The following MCF2L2 variants were observed in gnomAD, a reference collection of about 807,000 sequenced individuals.
The protein encoded by MCF2L2 is MCF.2 cell line derived transforming sequence-like 2, also known as probable guanine nucleotide exchange factor MCF2L2.
Under a neutral mutation model 150.2 loss-of-function variants are expected in MCF2L2, and 102 were observed. That is an observed-to-expected ratio of 0.68 (90% confidence interval 0.58 to 0.80). MCF2L2 has a LOEUF of 0.80. Ranked by LOEUF, MCF2L2 falls within the 30% of genes least tolerant of loss-of-function variation. The pLI, the probability that MCF2L2 is intolerant of heterozygous loss-of-function variation, is 0.00. For synonymous variants in MCF2L2, 465 were observed against 491.3 expected, an observed-to-expected ratio of 0.95 and a Z score of 0.71; for missense variants, 1,256 against 1,372.8, an observed-to-expected ratio of 0.91 and a Z score of 1.34.
chr3:183,380,673 A>G (rs1333471049), intron 2 of MCF2L2, among the ~76,000 whole-genome samples: 1 of 152,240 alleles, frequency 6.6e-6, no homozygotes, highest in Non-Finnish European at 1.5e-5. Flanking sequence ...AACTGCTGGG[A>G]TTACAGGCAT....
chr3:183,414,427 C>T (rs1394083591), intron 1 of MCF2L2, among the ~76,000 whole-genome samples: 1 of 151,722 alleles, frequency 6.6e-6, no homozygotes, highest in Non-Finnish European at 1.5e-5. Context: ...TAGAAATGTC[C>T]CCTCTTTCAT....
chr3:183,312,912 T>C (rs989892611), intron 7 of MCF2L2, among the ~76,000 whole-genome samples: 2 of 152,226 alleles, frequency 1.3e-5, no homozygotes, highest in African/African-American at 4.8e-5. Context: ...GGACACCTCC[T>C]CTGGCTCTGT....
Position 183,428,266 on chromosome 3 carries a change from C to A in MCF2L2, c.-289G>T. On this transcript the variant is annotated 5_prime_UTR_variant, in exon 1 of 30. Transcript: ENST00000328913. This position sits in a 1 kb window ranked among gnomAD's most constrained non-coding sequence, Gnocchi z 5.1. ...AAGCAAGTCGCCAATCTCGCCGGAA[C>A]CGCGCCCCGGCTCCTCCGGCCGGGC... is the stretch of plus-strand genomic sequence containing the variant. The A allele has an allele frequency of 2.7e-6, 1 of 372,852 alleles. No homozygotes were observed. Among genetic ancestry groups the A allele is most frequent in the South Asian group, 3.2e-5 (1 of 31,416 alleles). 23.1% of individuals were successfully genotyped at this position (372,852 alleles called of 1,614,324 possible).
intron 1 of MCF2L2, among the ~76,000 whole-genome samples, chr3:183,409,067 C>G (rs557985536): frequency 6.6e-6 from 1 of 152,266 alleles, no homozygotes; most frequent in African/African-American, 2.4e-5. Flanking sequence ...GCTTATTATC[C>G]TTATTTAAGA....
intron 15 of MCF2L2, among the ~76,000 whole-genome samples, chr3:183,260,176 G>A (rs1449966543): frequency 2.6e-5 from 4 of 152,038 alleles, no homozygotes; most frequent in Admixed American, 6.6e-5. Context: ...TCGGTATCTC[G>A]ATGCCTCAGT....
At chr3:183,310,362 T>G (rs1000324211) in intron 9 of MCF2L2, among the ~76,000 whole-genome samples, 2 of 151,722 alleles carry the variant, frequency 1.3e-5, no homozygotes, top group Non-Finnish European at 2.9e-5. Context: ...ATTAGCTGAG[T>G]GTGGTGGTGG....
intron 14 of MCF2L2, among the ~76,000 whole-genome samples, chr3:183,286,011 G>T (rs535817292): frequency 3.9e-5 from 6 of 152,242 alleles, no homozygotes; most frequent in Admixed American, 1.3e-4. Flanking sequence ...TTCCACCACC[G>T]GGCTTTCCCA....
At chr3:183,300,547 T>C (rs370902346) in intron 10 of MCF2L2, among the ~76,000 whole-genome samples, 2 of 152,154 alleles carry the variant, frequency 1.3e-5, no homozygotes, top group African/African-American at 4.8e-5. Flanking sequence ...CAATAAACTC[T>C]AGGGCAGAAA....
intron 22 of MCF2L2, among the ~76,000 whole-genome samples, chr3:183,212,310 G>A (rs777574029): frequency 3.4e-4 from 51 of 152,166 alleles, no homozygotes; most frequent in Admixed American, 1.2e-3. Context: ...CCTAGGAAAC[G>A]AATATACTTC....
chr3:183,336,273 G>A (rs989967422), intron 5 of MCF2L2, among the ~76,000 whole-genome samples: 22 of 152,162 alleles, frequency 1.4e-4, no homozygotes, highest in African/African-American at 5.3e-4. Flanking sequence ...GAAATAATCA[G>A]ATGATGATAA....
At chr3:183,217,726 T>C (rs1722997259) in intron 21 of MCF2L2, among the ~76,000 whole-genome samples, 1 of 152,180 alleles carries the variant, frequency 6.6e-6, no homozygotes, top group African/African-American at 2.4e-5. Flanking sequence ...CTTCCTCCAC[T>C]TGTCCCTGGC....
chr3:183,222,427 G>A (rs1350409428), intron 20 of MCF2L2, among the ~76,000 whole-genome samples: 1 of 152,160 alleles, frequency 6.6e-6, no homozygotes, highest in Non-Finnish European at 1.5e-5. Flanking sequence ...GCGCGTGCCT[G>A]TAATCTCAGC....
chr3:183,361,181 G>A (rs1712179565), intron 3 of MCF2L2, among the ~76,000 whole-genome samples: 1 of 146,770 alleles, frequency 6.8e-6, no homozygotes, highest in Admixed American at 6.8e-5. Context: ...AGGAAAGAAG[G>A]AAGGAAGGAA....
chr3:183,363,015 T>C (rs977427497), intron 3 of MCF2L2, among the ~76,000 whole-genome samples: 7 of 152,214 alleles, frequency 4.6e-5, no homozygotes, highest in African/African-American at 1.7e-4. Context: ...CTAAAGAAGA[T>C]TTACAGATGA....
chr3:183,393,710 G>A (rs573531793), intron 1 of MCF2L2, among the ~76,000 whole-genome samples: 41 of 152,314 alleles, frequency 2.7e-4, no homozygotes, highest in Non-Finnish European at 5.0e-4. Flanking sequence ...ACTCTTACGC[G>A]ATGAAATAAT....
At chr3:183,231,193 A>G (rs1315974745) in intron 15 of MCF2L2, 176 bp from the exon 16 acceptor site, 2 of 685,988 alleles carry the variant, frequency 2.9e-6, no homozygotes, top group East Asian at 5.6e-5. Flanking sequence ...AGCATCTCAC[A>G]AACGCACACT....
At chr3:183,400,046 T>TA (rs1389406945) in intron 1 of MCF2L2, among the ~76,000 whole-genome samples, 2 of 152,224 alleles carry the variant, frequency 1.3e-5, no homozygotes, top group Admixed American at 6.5e-5. Context: ...TGTGCAGACA[T>TA]ATGTAGGCTT....
chr3:183,410,928 G>A (rs2108621842), intron 1 of MCF2L2, among the ~76,000 whole-genome samples: 1 of 152,296 alleles, frequency 6.6e-6, no homozygotes, highest in East Asian at 1.9e-4. Flanking sequence ...GTGACCAGGT[G>A]ACACCAGAGA....
intron 1 of MCF2L2, among the ~76,000 whole-genome samples, chr3:183,407,634 G>A (rs1286754541): frequency 2.6e-5 from 4 of 152,050 alleles, no homozygotes; most frequent in Non-Finnish European, 5.9e-5. Context: ...TTTAAAATCT[G>A]GGTCAGTTTT....
Sources: gnomAD v4.1 joint callset for allele counts (sites outside exome capture counted in the v4.1 genomes callset) on GRCh38, gnomAD v4.1.1 for gene constraint, Gnocchi (gnomAD v3.1) non-coding constraint, MANE v1.5 for transcripts, NCBI Gene and HGNC (gene_info 2026-07-23, HGNC 2026-07-21) for gene names.